Variants in TMEFF2 observed in about 807,000 individuals in gnomAD.
TMEFF2 encodes the protein transmembrane protein with EGF like and two follistatin like domains 2, also known as tomoregulin-2.
Under a neutral mutation model 53.8 loss-of-function variants are expected in TMEFF2, and 28 were observed. The ratio of observed to expected loss-of-function variants is 0.52; its 90% CI spans 0.39 to 0.71. The LOEUF (loss-of-function observed/expected upper bound fraction) is 0.71. Among genes scored for constraint, TMEFF2 ranks in the 30% least tolerant of loss-of-function variants. TMEFF2 has a pLI of 0.00. For missense variants in TMEFF2, 353 were observed against 455.2 expected (o/e 0.78, Z 2.04); for synonymous variants, 162 against 166.3 (o/e 0.97, Z 0.20).
At chr2:192,018,417 G>A (rs760300755) in intron 5 of TMEFF2, among the ~76,000 whole-genome samples, 1 of 151,708 alleles carries the variant, frequency 6.6e-6, no homozygotes, top group Non-Finnish European at 1.5e-5. Flanking sequence ...ACCACTTCCC[G>A]ATTCTCCTTC....
At chr2:192,058,486 C>T (rs955997222) in intron 4 of TMEFF2, among the ~76,000 whole-genome samples, 2 of 151,888 alleles carry the variant, frequency 1.3e-5, no homozygotes, top group Non-Finnish European at 1.5e-5. Flanking sequence ...GATATTGGTC[C>T]TTTTTTCCTC....
intron 4 of TMEFF2, among the ~76,000 whole-genome samples, chr2:192,173,239 A>C (rs1041993369): frequency 6.6e-6 from 1 of 151,904 alleles, no homozygotes; most frequent in African/African-American, 2.4e-5. Flanking sequence ...TTATATCTAA[A>C]CATTATATGT....
intron 5 of TMEFF2, among the ~76,000 whole-genome samples, chr2:192,046,241 G>C (rs1041983187): frequency 1.3e-5 from 2 of 152,150 alleles, no homozygotes; most frequent in African/African-American, 4.8e-5. Context: ...GCATGCACCT[G>C]TAGTCCCAGC....
chr2:191,998,641 A>C (rs1686281312), intron 6 of TMEFF2, among the ~76,000 whole-genome samples: 2 of 152,132 alleles, frequency 1.3e-5, no homozygotes, highest in African/African-American at 4.8e-5. Context: ...ACATTCTAGT[A>C]CCTCTTGCTT....
rs1461618282 is a variant in TMEFF2, at chr2:191,964,356, CTTTCTTTCT to C, written c.746-7987_746-7979del. On this transcript the variant is annotated intron_variant, in intron 7 of 9. Transcript: ENST00000272771. ...TCCTTCTTTCTTTCTTTCTTTCTTT[CTTTCTTTCT>C]TTCTTTCTCTTTCTTTCTTTCTTTC... Among the ~76,000 whole-genome samples the C allele has an allele frequency of 1.5e-3, 160 of 106,354 alleles. 2 individuals carry two copies. Among genetic ancestry groups the C allele is most frequent in the African/African-American group, 5.8e-3 (143 of 24,732 alleles). 69.8% of individuals were successfully genotyped at this position (106,354 alleles called of 152,430 possible). A position where few individuals can be genotyped will look rare whatever the true frequency, so the allele number is the denominator to read the frequency against.
chr2:192,006,951 G>A (rs1686513344), intron 5 of TMEFF2, among the ~76,000 whole-genome samples: 1 of 152,158 alleles, frequency 6.6e-6, no homozygotes, highest in African/African-American at 2.4e-5. Flanking sequence ...CAGATTTACT[G>A]TATATAAGAT....
chr2:192,082,440 A>G (rs1688575791), intron 4 of TMEFF2, among the ~76,000 whole-genome samples: 1 of 152,188 alleles, frequency 6.6e-6, no homozygotes, highest in Non-Finnish European at 1.5e-5. Context: ...ATGATTTTCT[A>G]AAAGAATCAT....
At chr2:192,009,345 T>C (rs1294821484) in intron 5 of TMEFF2, among the ~76,000 whole-genome samples, 3 of 152,188 alleles carry the variant, frequency 2.0e-5, no homozygotes, top group African/African-American at 7.2e-5. Flanking sequence ...TTTCATCTTA[T>C]GATATAAAGG....
At chr2:192,012,649 A>C (rs944633680) in intron 5 of TMEFF2, among the ~76,000 whole-genome samples, 2 of 152,186 alleles carry the variant, frequency 1.3e-5, no homozygotes, top group Non-Finnish European at 2.9e-5. Flanking sequence ...TTTTTTTCCT[A>C]ATCGGCAAAA....
At chr2:192,150,634 T>C (rs957261415) in intron 4 of TMEFF2, among the ~76,000 whole-genome samples, 1 of 151,592 alleles carries the variant, frequency 6.6e-6, no homozygotes, top group Non-Finnish European at 1.5e-5. Flanking sequence ...TGTCTCATAC[T>C]TGAGGCATCA....
chr2:192,042,929 C>T lies in TMEFF2; in HGVS notation c.536+14750G>A, dbSNP rs76423264. Among the ~76,000 whole-genome samples, 773 of 152,228 alleles carry T rather than the reference C, an allele frequency of 5.1e-3. 12 individuals carry two copies. The highest frequency in any genetic ancestry group is 0.017 in the African/African-American group (718 of 41,534). On this transcript the variant is annotated intron_variant, in intron 5 of 9. Coordinates refer to ENST00000272771, the MANE Select transcript of TMEFF2 (RefSeq NM_016192.4). ...GTTAGAAACAGATTGTGAGGAGAGC[C>T]ACAACATCCTTGAAGAGCTCTAGGA...
At chr2:192,117,749 G>A (rs1288294824) in intron 4 of TMEFF2, among the ~76,000 whole-genome samples, 2 of 151,966 alleles carry the variant, frequency 1.3e-5, no homozygotes, top group African/African-American at 4.8e-5. Flanking sequence ...CCCAGGCCAA[G>A]TCTTCATTTG....
At chr2:192,170,250 C>T (rs1157758704) in intron 4 of TMEFF2, among the ~76,000 whole-genome samples, 1 of 152,014 alleles carries the variant, frequency 6.6e-6, no homozygotes, top group East Asian at 1.9e-4. Flanking sequence ...ACCACTACCA[C>T]TTAAATCAGT....
At chr2:192,083,935 A>C (rs1202859338) in intron 4 of TMEFF2, among the ~76,000 whole-genome samples, 1 of 152,078 alleles carries the variant, frequency 6.6e-6, no homozygotes, top group Admixed American at 6.6e-5. Context: ...TTTTCTATAC[A>C]AGTCACTGGT....
intron 5 of TMEFF2, among the ~76,000 whole-genome samples, chr2:192,020,869 C>T (rs990268967): frequency 6.6e-6 from 1 of 152,126 alleles, no homozygotes; most frequent in African/African-American, 2.4e-5. Flanking sequence ...GCAACCATCT[C>T]TGTGTCTGTG....
chr2:192,139,106 A>T (rs1690077270), intron 4 of TMEFF2, among the ~76,000 whole-genome samples: 1 of 152,226 alleles, frequency 6.6e-6, no homozygotes, highest in Non-Finnish European at 1.5e-5. Context: ...GAAGGGAAGA[A>T]CATATAACCA....
chr2:192,077,881 A>G (rs1688469315), intron 4 of TMEFF2, among the ~76,000 whole-genome samples: 2 of 152,044 alleles, frequency 1.3e-5, no homozygotes, highest in South Asian at 4.1e-4. Context: ...ATGTCTTAAA[A>G]CATTATTTAA....
In TMEFF2 at chr2:192,067,983, T is replaced by C. The variant is rs537091856; in HGVS notation, c.440-10208A>G. On this transcript the variant is annotated intron_variant, in intron 4 of 9. Transcript: ENST00000272771. The stretch of plus-strand genomic sequence containing the variant: ...CATGTCACTTACTGAAATGAAAATC[T>C]GATAGTGACACTTAAAACTGAAAAT... Among the ~76,000 whole-genome samples, 34 of 152,070 alleles carry C rather than the reference T, an allele frequency of 2.2e-4. No individual in the cohort carries two copies. In the South Asian group the frequency reaches 6.4e-3, roughly 29 times the overall value.
At chr2:192,001,843 T>C (rs1686371122) in intron 5 of TMEFF2, among the ~76,000 whole-genome samples, 1 of 152,094 alleles carries the variant, frequency 6.6e-6, no homozygotes, top group Non-Finnish European at 1.5e-5. Context: ...AATTGCCCAG[T>C]CTTGGGTATG....
Sources: gnomAD v4.1 joint callset for allele counts (sites outside exome capture counted in the v4.1 genomes callset) on GRCh38, gnomAD v4.1.1 for gene constraint, MANE v1.5 for transcripts, NCBI Gene and HGNC (gene_info 2026-07-23, HGNC 2026-07-21) for gene names.